Variants in MYO1D observed in about 807,000 individuals in gnomAD.
MYO1D encodes the protein unconventional myosin-Id.
A neutral mutation model predicts 122.0 loss-of-function variants in MYO1D; 83 were observed. The ratio of observed to expected loss-of-function variants is 0.68; its 90% CI spans 0.57 to 0.82. The LOEUF (loss-of-function observed/expected upper bound fraction) is 0.82. Ranked by LOEUF, MYO1D falls within the 40% of genes least tolerant of loss-of-function variation. MYO1D has a pLI of 0.00. For synonymous variants in MYO1D, 464 were observed against 446.9 expected, an observed-to-expected ratio of 1.04 and a Z score of -0.48; for missense variants, 1,157 against 1,269.5, an observed-to-expected ratio of 0.91 and a Z score of 1.35.
intron 1 of MYO1D, among the ~76,000 whole-genome samples, chr17:32,864,934 A>T (rs997920363): frequency 5.3e-5 from 8 of 152,308 alleles, no homozygotes; most frequent in Non-Finnish European, 5.9e-5. Flanking sequence ...GGTTGAATGC[A>T]ATTAAAAAAA....
chr17:32,677,251 A>AT lies in MYO1D; in HGVS notation c.2122-17914dup, dbSNP rs2088825119. Among the ~76,000 whole-genome samples the AT allele has an allele frequency of 2.6e-5, 4 of 152,196 alleles. No homozygotes were observed. In the South Asian group the frequency reaches 8.3e-4, roughly 31 times the overall value. ...AATTAATTTATGTTTTTGTTAAAAC[A>AT]TTAGGGGAATTGAATCATAATGAGC... On this transcript the variant is annotated intron_variant, in intron 16 of 21. Transcript: ENST00000318217.
chr17:32,613,159 G>GT (rs11462118), intron 20 of MYO1D, among the ~76,000 whole-genome samples: 46,664 of 151,458 alleles, frequency 0.31, 7,353 homozygotes, highest in South Asian at 0.37. Flanking sequence ...CTAGCAAAAA[G>GT]TTTTTTTTTA....
chr17:32,593,574 G>C (rs1047876341), intron 21 of MYO1D, among the ~76,000 whole-genome samples: 1 of 152,106 alleles, frequency 6.6e-6, no homozygotes, highest in Non-Finnish European at 1.5e-5. Context: ...TCCACTCCCA[G>C]GTCTGTGTGT....
chr17:32,574,732 G>T (rs978782048), intron 21 of MYO1D, among the ~76,000 whole-genome samples: 1 of 152,234 alleles, frequency 6.6e-6, no homozygotes, highest in African/African-American at 2.4e-5. Context: ...AGGTACACGA[G>T]GTGCAGCTGA....
intron 1 of MYO1D, among the ~76,000 whole-genome samples, chr17:32,829,252 A>G (rs934429718): frequency 1.2e-4 from 19 of 152,186 alleles, no homozygotes; most frequent in African/African-American, 4.3e-4. Flanking sequence ...GGGTGCTTTC[A>G]TTTACCTCCC....
intron 1 of MYO1D, among the ~76,000 whole-genome samples, chr17:32,789,248 T>A (rs1341113043): frequency 6.6e-6 from 1 of 152,222 alleles, no homozygotes; most frequent in African/African-American, 2.4e-5. Flanking sequence ...CCAATTTGGA[T>A]GCTCTTTCTT....
chr17:32,863,520 G>C (rs960568087), intron 1 of MYO1D, among the ~76,000 whole-genome samples: 1 of 152,186 alleles, frequency 6.6e-6, no homozygotes, highest in Non-Finnish European at 1.5e-5. Context: ...GGAATTCACG[G>C]GGAGGCACAC....
chr17:32,808,695 T>C (rs974535925), intron 1 of MYO1D, among the ~76,000 whole-genome samples: 4 of 152,134 alleles, frequency 2.6e-5, no homozygotes, highest in Non-Finnish European at 5.9e-5. Context: ...CTAGTGCCCT[T>C]ACAGGAAGAG....
At chr17:32,502,001 G>C (rs1909334080) in intron 21 of MYO1D, among the ~76,000 whole-genome samples, 1 of 152,142 alleles carries the variant, frequency 6.6e-6, no homozygotes, top group South Asian at 2.1e-4. Context: ...TGTCGGAATT[G>C]AATCGGAGGA....
rs573064841 is a variant in MYO1D at position 32,787,434 on chromosome 17, T to G, written c.96-6650A>C. Among the ~76,000 whole-genome samples the G allele has an allele frequency of 4.0e-3, 614 of 152,110 alleles. 2 individuals carry two copies. Among genetic ancestry groups the G allele is most frequent in the Non-Finnish European group, 7.4e-3 (505 of 67,966 alleles). ...CCAGGTATGTACTCTTTTTTTTTTTTTTGAGACGGAGTCTCACTTTGTCGC... is the reference window on the plus strand; with the variant it reads ...CCAGGTATGTACTCTTTTTTTTTTTGTTGAGACGGAGTCTCACTTTGTCGC... On this transcript the variant is annotated intron_variant, in intron 1 of 21. Transcript: ENST00000318217.
intron 21 of MYO1D, among the ~76,000 whole-genome samples, chr17:32,533,037 C>A (rs1037511484): frequency 6.6e-6 from 1 of 152,130 alleles, no homozygotes; most frequent in African/African-American, 2.4e-5. Flanking sequence ...GCTTTCAAGG[C>A]ACAGCGTGTT....
chr17:32,671,355 G>A (rs2088718362), intron 16 of MYO1D, among the ~76,000 whole-genome samples: 1 of 152,192 alleles, frequency 6.6e-6, no homozygotes, highest in South Asian at 2.1e-4. Context: ...CAAGTAGACA[G>A]GGTGCCCGGG....
intron 21 of MYO1D, among the ~76,000 whole-genome samples, chr17:32,563,206 CTTTT>C (rs1279675450): frequency 1.0e-5 from 1 of 95,984 alleles, no homozygotes; most frequent in Non-Finnish European, 2.0e-5. Context: ...TTTCTTCTCT[CTTTT>C]TTTTTTTTTT....
chr17:32,641,657 T>A (rs1945010457), intron 19 of MYO1D, among the ~76,000 whole-genome samples: 1 of 152,216 alleles, frequency 6.6e-6, no homozygotes, highest in Admixed American at 6.5e-5. Context: ...CTCATTGTGG[T>A]TTTGATTTGC....
At chr17:32,616,415 C>A (rs1055949076) in intron 20 of MYO1D, among the ~76,000 whole-genome samples, 1 of 152,028 alleles carries the variant, frequency 6.6e-6, no homozygotes, top group African/African-American at 2.4e-5. Flanking sequence ...CTCAAGCAGT[C>A]CTCTGCCTCA....
At chr17:32,557,733 G>C (rs1217055034) in intron 21 of MYO1D, among the ~76,000 whole-genome samples, 1 of 151,976 alleles carries the variant, frequency 6.6e-6, no homozygotes, top group Non-Finnish European at 1.5e-5. Context: ...AGGAAAGATG[G>C]TAAATATTTC....
At chr17:32,806,105 A>G (rs2090509788) in intron 1 of MYO1D, among the ~76,000 whole-genome samples, 1 of 152,116 alleles carries the variant, frequency 6.6e-6, no homozygotes, top group South Asian at 2.1e-4. Flanking sequence ...AAAAATACAA[A>G]AAAATTAGCC....
intron 5 of MYO1D, 42 bp from the exon 6 acceptor site, chr17:32,771,262 T>C (rs764798830): frequency 6.8e-5 from 96 of 1,404,560 alleles, no homozygotes; most frequent in Non-Finnish European, 8.9e-5. Context: ...CAGACATACA[T>C]TGAACCAAAC....
At chr17:32,655,445 G>C (rs1418713392) in intron 17 of MYO1D, among the ~76,000 whole-genome samples, 4 of 152,190 alleles carry the variant, frequency 2.6e-5, no homozygotes, top group Admixed American at 6.5e-5. Context: ...GGAATGCAGA[G>C]TGGGTGTGGT....
Sources: gnomAD v4.1 joint callset for allele counts (sites outside exome capture counted in the v4.1 genomes callset) on GRCh38, gnomAD v4.1.1 for gene constraint, MANE v1.5 for transcripts, NCBI Gene and HGNC (gene_info 2026-07-23, HGNC 2026-07-21) for gene names.